The following TNFSF15 variants were observed in gnomAD, a reference collection of about 807,000 sequenced individuals.
TNFSF15 encodes TNF superfamily member 15.
In TNFSF15, 15 loss-of-function variants were observed where a neutral mutation model predicts 26.4. The observed-to-expected ratio is 0.57, with a 90% CI of 0.38 to 0.87. TNFSF15 has a LOEUF of 0.87. Among genes scored for constraint, TNFSF15 ranks in the 40% least tolerant of loss-of-function variants. The pLI, the probability that TNFSF15 is intolerant of heterozygous loss-of-function variation, is 0.00. For synonymous variants in TNFSF15, 116 were observed against 115.0 expected (o/e 1.01, Z -0.06); for missense variants, 290 against 306.1 (o/e 0.95, Z 0.39).
At chr9:114,805,774 C>T (rs760222347) in intron 1 of TNFSF15, 29 bp downstream of exon 1, 1 of 1,607,898 alleles carries the variant, frequency 6.2e-7, no homozygotes, top group Non-Finnish European at 8.5e-7. Flanking sequence ...CACTGCTCCT[C>T]CCCAAGGTCA....
intron 1 of TNFSF15, among the ~76,000 whole-genome samples, chr9:114,804,815 G>C (rs551068298): frequency 6.6e-6 from 1 of 152,194 alleles, no homozygotes; most frequent in African/African-American, 2.4e-5. Flanking sequence ...TGGCTTACTT[G>C]TGGTGTCTAT....
intron 1 of TNFSF15, among the ~76,000 whole-genome samples, chr9:114,798,890 G>A (rs941586661): frequency 7.2e-5 from 11 of 152,182 alleles, no homozygotes; most frequent in Non-Finnish European, 1.2e-4. Flanking sequence ...TTCATAAACA[G>A]GGAGAGATAT....
chr9:114,798,316 C>G, intron 1 of TNFSF15, among the ~76,000 whole-genome samples: 1 of 152,088 alleles, frequency 6.6e-6, no homozygotes, highest in East Asian at 1.9e-4. Context: ...TGCTTCTCTT[C>G]CCCTACCCTC....
At position 114,790,093 on chromosome 9, in the gene TNFSF15, G is replaced by A. The variant is rs1829570067; in HGVS notation, c.*359C>T. On this transcript the variant is annotated 3_prime_UTR_variant, in exon 4 of 4. Coordinates refer to ENST00000374045, the MANE Select transcript of TNFSF15 (RefSeq NM_005118.4). Reference sequence around the variant, plus strand: ...TTATGATCAAATTGAACAATAACTGGACCACTGGTGACCATTGTATAGCAG... The same window carrying A: ...TTATGATCAAATTGAACAATAACTGAACCACTGGTGACCATTGTATAGCAG... 1 of 167,700 alleles carries A rather than the reference G, an allele frequency of 6.0e-6. No individual in the cohort carries two copies. Among genetic ancestry groups the A allele is most frequent in the Admixed American group, 5.8e-5 (1 of 17,140 alleles). The allele number at this position is 167,700 out of a possible 1,614,324, so 10.4% of individuals were successfully genotyped here. A position where few individuals can be genotyped will look rare whatever the true frequency, so the allele number is the denominator to read the frequency against.
At position 114,792,420 on chromosome 9, in the gene TNFSF15, C is replaced by T. The variant is rs757672135; in HGVS notation, c.288G>A (p.Arg96=). ...AGGGAGGCTTACCTGTCAGGTGTGC[C>T]CTTGGCTTATCTCCGTCTGCTCTAA... ...APLRADGDKP[R]AHLTVVRQTP... Residue 96 remains arginine (R), a synonymous_variant, in exon 3 of 4, where the codon AGG becomes AGA. Transcript: ENST00000374045. 3 of 1,613,932 alleles carry T rather than the reference C, an allele frequency of 1.9e-6. No homozygotes were observed. The highest frequency in any genetic ancestry group is 4.5e-5 in the East Asian group (2 of 44,878).
rs187332251 is a variant in TNFSF15 at position 114,786,263 on chromosome 9, G to A, written c.*4189C>T. 21 of 152,296 alleles carry A rather than the reference G, an allele frequency of 1.4e-4. 1 individual carries two copies. The highest frequency in any genetic ancestry group is 1.2e-3 in the Admixed American group (18 of 15,292). The allele number at this position is 152,296 out of a possible 1,614,324, so 9.4% of individuals were successfully genotyped here. ...CCATAGGAAAGCCAGAAATCTTAAG[G>A]CAAGAGATGTTTGCATGTGTTTTTA... On this transcript the variant is annotated 3_prime_UTR_variant, in exon 4 of 4. Transcript: ENST00000374045.
At position 114,785,362 on chromosome 9, in the gene TNFSF15, G is replaced by A. The variant is rs976629188; in HGVS notation, c.*5090C>T. 3 of 152,152 alleles carry A rather than the reference G, an allele frequency of 2.0e-5. No individual in the cohort carries two copies. Among genetic ancestry groups the A allele is most frequent in the Non-Finnish European group, 2.9e-5 (2 of 68,038 alleles). 9.4% of individuals were successfully genotyped at this position (152,152 alleles called of 1,614,324 possible). ...TTCTCTATTGGCCAAGATCTTAGGG[G>A]TATTTTGTGTTGGACACTCTCTGGA... On this transcript the variant is annotated 3_prime_UTR_variant, in exon 4 of 4. Coordinates refer to ENST00000374045, the MANE Select transcript of TNFSF15 (RefSeq NM_005118.4).
rs1445792808 is a variant in TNFSF15, at chr9:114,787,138, A to C, written c.*3314T>G. ...ATGACCAAACTTGAATATAGCAAAT[A>C]ATAACCTGTCTCTACATGTAGTTTA... On this transcript the variant is annotated 3_prime_UTR_variant, in exon 4 of 4. Coordinates refer to ENST00000374045, the MANE Select transcript of TNFSF15 (RefSeq NM_005118.4). 3 of 152,196 alleles carry C rather than the reference A, an allele frequency of 2.0e-5. No homozygotes were observed. The highest frequency in any genetic ancestry group is 7.2e-5 in the African/African-American group (3 of 41,452). The allele number at this position is 152,196 out of a possible 1,614,324, so 9.4% of individuals were successfully genotyped here.
At chr9:114,796,544 G>A (rs1829674880) in intron 1 of TNFSF15, among the ~76,000 whole-genome samples, 1 of 152,222 alleles carries the variant, frequency 6.6e-6, no homozygotes, top group Non-Finnish European at 1.5e-5. Context: ...TATTGAATTA[G>A]TAGGGACACA....
At chr9:114,792,977 T>G (rs1381659870) in intron 2 of TNFSF15, among the ~76,000 whole-genome samples, 1 of 152,210 alleles carries the variant, frequency 6.6e-6, no homozygotes, top group Non-Finnish European at 1.5e-5. Context: ...TGAATCCTTT[T>G]CCCTCTCTGG....
intron 1 of TNFSF15, among the ~76,000 whole-genome samples, chr9:114,802,070 A>G (rs1829756288): frequency 6.6e-6 from 1 of 152,064 alleles, no homozygotes; most frequent in East Asian, 1.9e-4. Flanking sequence ...ACTTGTGTGC[A>G]ATGGGTTGTA....
chr9:114,806,030 AGGCACCTCTGACTCCTG>A (rs1829819197), exon 1 of TNFSF15: 1 of 1,611,648 alleles, frequency 6.2e-7, no homozygotes, highest in East Asian at 2.2e-5. Flanking sequence ...CTGCTCCTGG[AGGCACCTCTGACTCCTG>A]GGCAGAGAGA....
Position 114,790,891 on chromosome 9 carries a change from G to C in TNFSF15, c.317C>G (p.Pro106Arg), listed in dbSNP as rs565550412. The change falls in exon 4 of 4, where the codon CCC becomes CGC. Residue 106 changes from proline to arginine, a missense_variant. Around this residue, in one of 3 missense-constraint regions of TNFSF15, gnomAD observed 179 missense variants for 165.9 expected, o/e 1.08. Coordinates refer to ENST00000374045, the MANE Select transcript of TNFSF15 (RefSeq NM_005118.4). ...GAACTGATTTTTAAAGTGCTGTGTG[G>C]GAGTTTGTCTCACAACTGGAAAGAC... is the stretch of plus-strand genomic sequence containing the variant. ...RAHLTVVRQTPTQHFKNQFPA... is the reference protein window; with the variant it reads ...RAHLTVVRQTRTQHFKNQFPA... 6.2e-7 allele frequency: 1 copy of C among 1,614,024 alleles called. No individual in the cohort carries two copies. The highest frequency in any genetic ancestry group is 1.1e-5 in the South Asian group (1 of 91,058).
intron 1 of TNFSF15, among the ~76,000 whole-genome samples, chr9:114,794,119 G>T (rs1004462078): frequency 2.0e-5 from 3 of 152,190 alleles, no homozygotes; most frequent in Non-Finnish European, 2.9e-5. Flanking sequence ...TGCCTTAGAG[G>T]CAGACAGATC....
intron 1 of TNFSF15, among the ~76,000 whole-genome samples, chr9:114,802,406 C>T (rs998906797): frequency 1.3e-5 from 2 of 152,116 alleles, no homozygotes; most frequent in African/African-American, 2.4e-5. Context: ...GCGCGCGCCA[C>T]CACGCCCAGC....
intron 3 of TNFSF15, 81 bp from the exon 4 acceptor site, chr9:114,790,987 A>G: frequency 4.3e-6 from 6 of 1,404,308 alleles, no homozygotes; most frequent in Non-Finnish European, 5.9e-6. Flanking sequence ...ATCATTTTCA[A>G]AATAGACTAA....
chr9:114,801,663 C>T (rs936740508), intron 1 of TNFSF15, among the ~76,000 whole-genome samples: 4 of 152,108 alleles, frequency 2.6e-5, no homozygotes, highest in South Asian at 4.1e-4. Context: ...ATAAAGAAGC[C>T]GAGGCCCGAA....
intron 3 of TNFSF15, chr9:114,791,411 T>A (rs1314090713): frequency 5.5e-6 from 1 of 180,590 alleles, no homozygotes; most frequent in African/African-American, 2.4e-5. Context: ...AACAAAACAC[T>A]TGTCTTACAG....
chr9:114,800,015 A>G (rs1348843551), intron 1 of TNFSF15, among the ~76,000 whole-genome samples: 1 of 152,142 alleles, frequency 6.6e-6, no homozygotes, highest in Non-Finnish European at 1.5e-5. Context: ...AAGTACTTTT[A>G]TCTCAACTAT....
Sources: allele counts gnomAD v4.1 joint callset (sites outside exome capture counted in the v4.1 genomes callset), GRCh38; gene constraint gnomAD v4.1.1; regional missense constraint gnomAD v4.1.1; transcripts MANE v1.5; gene names NCBI Gene and HGNC (gene_info 2026-07-23, HGNC 2026-07-21).